KCNK10: variants seen among roughly 807,000 people sequenced by gnomAD.
KCNK10 encodes the protein potassium channel subfamily K member 10.
KCNK10 carries 25 observed loss-of-function variants against 47.7 expected under a neutral mutation model. The ratio of observed to expected loss-of-function variants is 0.52; its 90% CI spans 0.38 to 0.73. KCNK10 has a LOEUF of 0.73. KCNK10 is among the 30% of genes least tolerant of loss of function. KCNK10 has a pLI of 0.00. For missense variants in KCNK10, 563 were observed against 714.5 expected (o/e 0.79, Z 2.42); for synonymous variants, 303 against 285.6 (o/e 1.06, Z -0.61).
intron 1 of KCNK10, among the ~76,000 whole-genome samples, chr14:88,295,995 G>C (rs1298688520): frequency 6.6e-6 from 1 of 152,150 alleles, no homozygotes; most frequent in African/African-American, 2.4e-5. Context: ...CTCTGGGCCT[G>C]CTGGGCAACC....
intron 3 of KCNK10, among the ~76,000 whole-genome samples, chr14:88,237,283 C>T (rs997817943): frequency 3.9e-5 from 6 of 152,276 alleles, no homozygotes; most frequent in Non-Finnish European, 8.8e-5. Flanking sequence ...TCACACTCTA[C>T]TTCTAATTCC....
At position 88,281,727 on chromosome 14, in the gene KCNK10, C is replaced by CATATATATATATATAT. The variant is rs10541410; in HGVS notation, c.53-18192_53-18177dup. On this transcript the variant is annotated intron_variant, in intron 1 of 6. Coordinates refer to ENST00000319231, the MANE Select transcript of KCNK10 (RefSeq NM_138317.3). The stretch of plus-strand genomic sequence containing the variant: ...ATAAATAAATCTCTCTCTCTCTCTC[C>CATATATATATATATAT]ATATATATATATATATATATATATA... Among the ~76,000 whole-genome samples the CATATATATATATATAT allele has an allele frequency of 4.0e-3, 560 of 141,628 alleles. 9 individuals are homozygous for CATATATATATATATAT. The highest frequency in any genetic ancestry group is 0.014 in the African/African-American group (532 of 36,922). The allele number at this position is 141,628 out of a possible 152,430, so 92.9% of individuals were successfully genotyped here. A position where few individuals can be genotyped will look rare whatever the true frequency, so the allele number is the denominator to read the frequency against.
At chr14:88,226,196 G>A (rs1321900540) in intron 4 of KCNK10, among the ~76,000 whole-genome samples, 1 of 152,230 alleles carries the variant, frequency 6.6e-6, no homozygotes, top group Non-Finnish European at 1.5e-5. Context: ...TTTTGTGGAT[G>A]AGTAAACTGA....
At chr14:88,304,599 T>A (rs1888169909) in intron 1 of KCNK10, among the ~76,000 whole-genome samples, 1 of 152,210 alleles carries the variant, frequency 6.6e-6, no homozygotes, top group Non-Finnish European at 1.5e-5. Context: ...CGAGCGCTCA[T>A]GCTGTAAGCT....
At chr14:88,306,700 T>C (rs9323825) in intron 1 of KCNK10, among the ~76,000 whole-genome samples, 139,607 of 151,436 alleles carry the variant, frequency 0.92, 64,797 homozygotes, top group Non-Finnish European at 0.98. Flanking sequence ...GGGCATGGGG[T>C]AGGAGGGGAG....
At chr14:88,325,290 G>GC (rs1417178324), upstream of KCNK10, among the ~76,000 whole-genome samples, 1 of 152,198 alleles carries the variant, frequency 6.6e-6, no homozygotes, top group East Asian at 1.9e-4. Flanking sequence ...GCAATACAAT[G>GC]TTTTTTACAT....
In KCNK10 at chr14:88,186,231, C is replaced by T. The variant is rs576197777; in HGVS notation, c.1012-76G>A. On this transcript the variant is annotated intron_variant, in intron 6 of 6. Transcript: ENST00000319231. This position sits in a 1 kb window ranked among gnomAD's most constrained non-coding sequence, Gnocchi z 5.5. ...TTGGCCTCCCAGCACCCACAGCCCT[C>T]GGGTGTCCCCACGGGGAGGCCAGGA... 2.3e-4 allele frequency: 334 copies of T among 1,474,498 alleles called. No homozygotes were observed. The highest frequency in any genetic ancestry group is 2.8e-4 in the Non-Finnish European group (309 of 1,109,322). 91.3% of individuals were successfully genotyped at this position (1,474,498 alleles called of 1,614,324 possible). A position where few individuals can be genotyped will look rare whatever the true frequency, so the allele number is the denominator to read the frequency against.
intron 1 of KCNK10, among the ~76,000 whole-genome samples, chr14:88,293,318 A>G (rs1490926866): frequency 6.6e-6 from 1 of 152,190 alleles, no homozygotes; most frequent in East Asian, 1.9e-4. Context: ...TCCAATTGAC[A>G]TTCCCACTCA....
chr14:88,194,067 G>A (rs1884834237), intron 4 of KCNK10, among the ~76,000 whole-genome samples: 1 of 152,074 alleles, frequency 6.6e-6, no homozygotes, highest in South Asian at 2.1e-4. Flanking sequence ...AATGGGAACA[G>A]GGAAAAATAA....
chr14:88,304,067 T>G (rs1888160154), intron 1 of KCNK10, among the ~76,000 whole-genome samples: 2 of 152,030 alleles, frequency 1.3e-5, no homozygotes, highest in Non-Finnish European at 1.5e-5. Flanking sequence ...TATACTAAAT[T>G]GTACTTTGGG....
chr14:88,212,926 T>C (rs1249596655), intron 4 of KCNK10, among the ~76,000 whole-genome samples: 1 of 152,244 alleles, frequency 6.6e-6, no homozygotes, highest in Admixed American at 6.5e-5. Flanking sequence ...CAGAGCCTGC[T>C]CAGCATGGGG....
intron 1 of KCNK10, among the ~76,000 whole-genome samples, chr14:88,308,674 T>C (rs2139797019): frequency 6.6e-6 from 1 of 152,360 alleles, no homozygotes; most frequent in Admixed American, 6.5e-5. Flanking sequence ...TTAATTTACA[T>C]GCCATCATCA....
chr14:88,230,385 G>C (rs1334056799), intron 3 of KCNK10, among the ~76,000 whole-genome samples: 1 of 152,198 alleles, frequency 6.6e-6, no homozygotes, highest in Non-Finnish European at 1.5e-5. Context: ...TGAACGCACA[G>C]CACCAGGATG....
rs1884388637 is a variant in KCNK10, at chr14:88,182,084, A to ACACT, written c.*3450_*3451insAGTG. 1.6e-5 allele frequency: 2 copies of ACACT among 124,304 alleles called. No homozygotes were observed. The highest frequency in any genetic ancestry group is 3.4e-5 in the Non-Finnish European group (2 of 59,660). The allele number at this position is 124,304 out of a possible 1,614,324, so 7.7% of individuals were successfully genotyped here. On this transcript the variant is annotated 3_prime_UTR_variant, in exon 7 of 7. Coordinates refer to ENST00000319231, the MANE Select transcript of KCNK10 (RefSeq NM_138317.3). ...CACACACACACACACACACACACAC[A>ACACT]CTCTATACAGCCCTGCCCCAAAGTG...
rs1884324513 is a variant in KCNK10, at chr14:88,180,903, T to C, written c.*4632A>G. The C allele has an allele frequency of 2.5e-6, 1 of 398,576 alleles. No homozygotes were observed. The highest frequency in any genetic ancestry group is 4.4e-6 in the Non-Finnish European group (1 of 226,022). 24.7% of individuals were successfully genotyped at this position (398,576 alleles called of 1,614,324 possible). A position where few individuals can be genotyped will look rare whatever the true frequency, so the allele number is the denominator to read the frequency against. ...CAGCATCCACAATGCCACACTAAAG[T>C]GATCTTTGTTTCAGAGAGTTACCCT... On this transcript the variant is annotated 3_prime_UTR_variant, in exon 7 of 7. Coordinates refer to ENST00000319231, the MANE Select transcript of KCNK10 (RefSeq NM_138317.3).
chr14:88,281,727 C>CATATATATATATATATATATAT (rs10541410), intron 1 of KCNK10, among the ~76,000 whole-genome samples: 3 of 141,718 alleles, frequency 2.1e-5, no homozygotes, highest in African/African-American at 8.1e-5. Flanking sequence ...TCTCTCTCTC[C>CATATATATATATATATATATAT]ATATATATAT....
At chr14:88,237,127 T>C (rs1886321967) in intron 3 of KCNK10, among the ~76,000 whole-genome samples, 2 of 152,244 alleles carry the variant, frequency 1.3e-5, no homozygotes, top group Admixed American at 1.3e-4. Context: ...TCTGAATTCT[T>C]TGTTGTCATT....
intron 1 of KCNK10, among the ~76,000 whole-genome samples, chr14:88,313,072 CA>C: frequency 6.6e-6 from 1 of 152,286 alleles, no homozygotes; most frequent in Non-Finnish European, 1.5e-5. Flanking sequence ...GGCTTTAAAT[CA>C]GACAGACTCG....
chr14:88,233,914 C>T (rs1886222363), intron 3 of KCNK10, among the ~76,000 whole-genome samples: 1 of 152,182 alleles, frequency 6.6e-6, no homozygotes, highest in Non-Finnish European at 1.5e-5. Flanking sequence ...ACACTAATGT[C>T]TCATGAATCC....
Sources: allele counts gnomAD v4.1 joint callset (sites outside exome capture counted in the v4.1 genomes callset), GRCh38; gene constraint gnomAD v4.1.1; non-coding constraint Gnocchi (gnomAD v3.1); transcripts MANE v1.5; gene names NCBI Gene and HGNC (gene_info 2026-07-23, HGNC 2026-07-21).